CCDC171: variants seen among roughly 807,000 people sequenced by gnomAD.
CCDC171 encodes the protein coiled-coil domain-containing protein 171.
In CCDC171, 177 loss-of-function variants were observed where a neutral mutation model predicts 168.2. The ratio of observed to expected loss-of-function variants is 1.05; its 90% confidence interval spans 0.93 to 1.19. The LOEUF is 1.19. CCDC171 is among the 50% of genes most tolerant of loss of function. CCDC171 has a pLI of 0.00. For missense variants in CCDC171, 1,991 were observed against 1,539.0 expected (o/e 1.29, Z -4.91); for synonymous variants, 687 against 540.8 (o/e 1.27, Z -3.75).
intron 21 of CCDC171, among the ~76,000 whole-genome samples, chr9:15,827,428 C>G (rs920727865): frequency 2.6e-5 from 4 of 152,286 alleles, no homozygotes; most frequent in African/African-American, 9.6e-5. Context: ...CTGTACACAT[C>G]TCCTACATAC....
chr9:15,625,917 C>T (rs1234368921), intron 7 of CCDC171, among the ~76,000 whole-genome samples: 1 of 152,150 alleles, frequency 6.6e-6, no homozygotes, highest in Non-Finnish European at 1.5e-5. Context: ...GGAGTATGGC[C>T]ATTTTCACGA....
intron 6 of CCDC171, among the ~76,000 whole-genome samples, chr9:15,601,233 G>A (rs553757983): frequency 1.3e-5 from 2 of 152,188 alleles, no homozygotes; most frequent in Non-Finnish European, 2.9e-5. Context: ...CGCTCTTGCT[G>A]GGAGCTGTAG....
At chr9:15,991,701 AAGAG>A (rs1220410329) in intron 3 of CCDC171, among the ~76,000 whole-genome samples, 4 of 152,186 alleles carry the variant, frequency 2.6e-5, no homozygotes, top group Non-Finnish European at 4.4e-5. Flanking sequence ...TAAAGAATAA[AAGAG>A]AGAAGAATCA....
Position 16,059,491 on chromosome 9 carries a change from CTTTTTTTTTTTTTCTTT to C in CCDC171, n.90-1141_90-1125del, listed in dbSNP as rs1443236084. The stretch of plus-strand genomic sequence containing the variant: ...TTTTGCTTGATTTTTGATAGCAGGT[CTTTTTTTTTTTTTCTTT>C]TTTTTTTTTTTTTTTTTGAGACGGA... On this transcript the variant is annotated intron_variant and non_coding_transcript_variant, in intron 1 of 1. Coordinates refer to the CCDC171 transcript ENST00000478913. Among the ~76,000 whole-genome samples, 3 of 117,324 alleles carry C rather than the reference CTTTTTTTTTTTTTCTTT, an allele frequency of 2.6e-5. No homozygotes were observed. In the East Asian group the frequency reaches 7.7e-4, roughly 30 times the overall value. The allele number at this position is 117,324 out of a possible 152,430, so 77.0% of individuals were successfully genotyped here.
chr9:15,929,906 C>G (rs1306859773), intron 25 of CCDC171, among the ~76,000 whole-genome samples: 1 of 151,756 alleles, frequency 6.6e-6, no homozygotes, highest in Non-Finnish European at 1.5e-5. Flanking sequence ...CTGGCATATT[C>G]TGACTCCTTC....
At chr9:15,574,233 C>G (rs781556224) in intron 3 of CCDC171, among the ~76,000 whole-genome samples, 10 of 151,988 alleles carry the variant, frequency 6.6e-5, no homozygotes, top group Non-Finnish European at 1.5e-4. Context: ...CAACCTCTGC[C>G]TCCCAGGTTC....
At chr9:15,784,156 C>A (rs1187361266) in intron 20 of CCDC171, among the ~76,000 whole-genome samples, 1 of 152,120 alleles carries the variant, frequency 6.6e-6, no homozygotes, top group African/African-American at 2.4e-5. Flanking sequence ...TCTAGGTGAT[C>A]ACTTAAAAGC....
chr9:15,578,721 A>T, intron 3 of CCDC171, 128 bp from the exon 4 acceptor site: 2 of 551,850 alleles, frequency 3.6e-6, no homozygotes, highest in Non-Finnish European at 5.9e-6. Context: ...AGTGATTCAG[A>T]ATATATAAAT....
At chr9:15,999,563 C>A (rs1229756427) in intron 3 of CCDC171, among the ~76,000 whole-genome samples, 4 of 152,132 alleles carry the variant, frequency 2.6e-5, no homozygotes, top group Non-Finnish European at 5.9e-5. Flanking sequence ...CAAGCCATCC[C>A]TAGGTCTTCC....
chr9:15,747,140 G>T (rs1281397111), intron 18 of CCDC171, among the ~76,000 whole-genome samples: 1 of 152,168 alleles, frequency 6.6e-6, no homozygotes, highest in Non-Finnish European at 1.5e-5. Context: ...CCAAGTTGCC[G>T]GGAAGCTCAA....
At chr9:15,962,979 G>C (rs1648897564) in intron 25 of CCDC171, among the ~76,000 whole-genome samples, 1 of 151,464 alleles carries the variant, frequency 6.6e-6, no homozygotes, top group Admixed American at 6.6e-5. Context: ...TTCTCTATCA[G>C]CCTTTACATA....
chr9:16,033,012 AC>A (rs1330936715), intron 6 of CCDC171, among the ~76,000 whole-genome samples: 1 of 152,072 alleles, frequency 6.6e-6, no homozygotes, highest in Non-Finnish European at 1.5e-5. Context: ...TCACATTCTC[AC>A]CTGCTGGCCA....
chr9:15,895,526 C>T (rs1259813464), intron 24 of CCDC171, among the ~76,000 whole-genome samples: 1 of 152,072 alleles, frequency 6.6e-6, no homozygotes, highest in Admixed American at 6.6e-5. Flanking sequence ...TATACTCACA[C>T]CACCATACTC....
chr9:15,667,318 T>C (rs1476728551), intron 9 of CCDC171, among the ~76,000 whole-genome samples: 1 of 152,178 alleles, frequency 6.6e-6, no homozygotes, highest in Non-Finnish European at 1.5e-5. Context: ...ATAATGGTTT[T>C]CCATTTATAG....
chr9:15,675,724 G>T (rs1352608626), intron 9 of CCDC171, among the ~76,000 whole-genome samples: 1 of 152,158 alleles, frequency 6.6e-6, no homozygotes, highest in African/African-American at 2.4e-5. Context: ...GGCTTGTAGG[G>T]TTTCTGCCAA....
At position 15,692,321 on chromosome 9, in the gene CCDC171, C is replaced by T. The variant is rs918981686; in HGVS notation, c.1216-2914C>T. Among the ~76,000 whole-genome samples the T allele has an allele frequency of 8.6e-5, 13 of 151,538 alleles. 1 individual carries two copies. The Middle Eastern group carries it at 0.024, about 279-fold the overall frequency. On this transcript the variant is annotated intron_variant, in intron 10 of 25. Transcript: ENST00000380701. ...CCAGGTGGTGGAGGTTGCACTGAGC[C>T]GAGATTGTTCTACAACCTGGATGAT...
chr9:15,661,296 A>AAAAAAAAAAAAAAAAAAAAAAAAC, intron 8 of CCDC171, among the ~76,000 whole-genome samples: 1 of 141,498 alleles, frequency 7.1e-6, no homozygotes, highest in Non-Finnish European at 1.5e-5. Context: ...AAAAAAAAAA[A>AAAAAAAAAAAAAAAAAAAAAAAAC]AAAAGTAACA....
In CCDC171 at chr9:15,825,841, G is replaced by A. The variant is rs1220467794; in HGVS notation, c.3268-20861G>A. Among the ~76,000 whole-genome samples, 3 of 152,290 alleles carry A rather than the reference G, an allele frequency of 2.0e-5. No homozygotes were observed. In the East Asian group the frequency reaches 5.8e-4, roughly 29 times the overall value. ...AATTTACTAGTTGAAGTTCAGTTCA[G>A]TATTGGTGGTAGAGGGGCACCAAAA... is the stretch of plus-strand genomic sequence containing the variant. On this transcript the variant is annotated intron_variant, in intron 21 of 25. Coordinates refer to ENST00000380701, the MANE Select transcript of CCDC171 (RefSeq NM_173550.4).
chr9:15,968,421 A>C (rs1831011327), intron 25 of CCDC171, among the ~76,000 whole-genome samples: 1 of 152,138 alleles, frequency 6.6e-6, no homozygotes, highest in Non-Finnish European at 1.5e-5. Flanking sequence ...ATAGTACAAA[A>C]GTGTTACGTA....
Sources: gnomAD v4.1 joint callset for allele counts (sites outside exome capture counted in the v4.1 genomes callset) on GRCh38, gnomAD v4.1.1 for gene constraint, MANE v1.5 for transcripts, NCBI Gene and HGNC (gene_info 2026-07-23, HGNC 2026-07-21) for gene names.